C1orf146: variants seen among roughly 807,000 people sequenced by gnomAD.
C1orf146 encodes the protein protein SPO16 homolog.
C1orf146 carries 22 observed loss-of-function variants against 23.0 expected under a neutral mutation model. The observed-to-expected ratio is 0.96, with a 90% CI of 0.68 to 1.36. The LOEUF (loss-of-function observed/expected upper bound fraction) is 1.36. C1orf146 is among the 40% of genes most tolerant of loss of function. The pLI is 0.00. For missense variants in C1orf146, 199 were observed against 206.8 expected, an observed-to-expected ratio of 0.96 and a Z score of 0.23; for synonymous variants, 59 against 65.3, an observed-to-expected ratio of 0.90 and a Z score of 0.47.
rs764198776 is a variant in C1orf146 at position 92,244,375 on chromosome 1, A to T, written c.319A>T (p.Ile107Phe). Residue 107 changes from isoleucine to phenylalanine, a missense_variant, in exon 4 of 6, where the codon ATT (isoleucine) becomes TTT (phenylalanine). By Grantham distance (21) the Ile-to-Phe change is conservative (BLOSUM62 0). Transcript: ENST00000370375. ...TGAAGAATGGAAACTGATGTTCAGG[A>T]TTCAGCAGAGGTATGGAAGAATAGC... Reference protein sequence around the residue: ...GPEEWKLMFRIQQRFLGCNLR... With the variant: ...GPEEWKLMFRFQQRFLGCNLR... 1.7e-5 allele frequency: 28 copies of T among 1,601,912 alleles called. No homozygotes were observed. In the Middle Eastern group the frequency reaches 6.6e-4, roughly 38 times the overall value.
At position 92,244,868 on chromosome 1, in the gene C1orf146, C is replaced by T. The variant is rs374173261; in HGVS notation, c.408+11C>T. Reference sequence around the variant, plus strand: ...TGCACTATAGCAAAGGTGAGTCACCCGTGGAATATGACACATACACACATA... The same window carrying T: ...TGCACTATAGCAAAGGTGAGTCACCTGTGGAATATGACACATACACACATA... On this transcript the variant is annotated intron_variant, in intron 5 of 5. Coordinates refer to ENST00000370375, the MANE Select transcript of C1orf146 (RefSeq NM_001012425.2). 1.8e-4 allele frequency: 271 copies of T among 1,519,690 alleles called. No individual in the cohort carries two copies. Among genetic ancestry groups the T allele is most frequent in the South Asian group, 3.4e-4 (30 of 87,314 alleles). The allele number at this position is 1,519,690 out of a possible 1,614,324, so 94.1% of individuals were successfully genotyped here. A position where few individuals can be genotyped will look rare whatever the true frequency, so the allele number is the denominator to read the frequency against.
intron 2 of C1orf146, among the ~76,000 whole-genome samples, chr1:92,238,566 C>T (rs1034675293): frequency 6.6e-6 from 1 of 152,064 alleles, no homozygotes; most frequent in African/African-American, 2.4e-5. Context: ...AGCTCTTGAA[C>T]TTACTGTTTT....
At chr1:92,222,617 T>C (rs1210353772) in intron 1 of C1orf146, among the ~76,000 whole-genome samples, 3 of 149,664 alleles carry the variant, frequency 2.0e-5, no homozygotes, top group South Asian at 2.1e-4. Flanking sequence ...GACGGAGTCT[T>C]GCTCTGTTGC....
intron 2 of C1orf146, among the ~76,000 whole-genome samples, chr1:92,233,669 G>A (rs1186967273): frequency 6.6e-6 from 1 of 152,088 alleles, no homozygotes; most frequent in Non-Finnish European, 1.5e-5. Context: ...AGCTTGATGG[G>A]GATGGCATTG....
At chr1:92,236,671 G>C (rs924506257) in intron 2 of C1orf146, among the ~76,000 whole-genome samples, 3 of 152,094 alleles carry the variant, frequency 2.0e-5, no homozygotes, top group Non-Finnish European at 4.4e-5. Context: ...GCTAGATTGG[G>C]GAAGTTCTCC....
chr1:92,221,187 G>A (rs1651809604), intron 1 of C1orf146, among the ~76,000 whole-genome samples: 1 of 152,136 alleles, frequency 6.6e-6, no homozygotes, highest in Admixed American at 6.5e-5. Flanking sequence ...ACAGCAACAC[G>A]GATGCAGCTG....
At chr1:92,238,110 G>A (rs1227984805) in intron 2 of C1orf146, among the ~76,000 whole-genome samples, 2 of 152,038 alleles carry the variant, frequency 1.3e-5, no homozygotes, top group Non-Finnish European at 2.9e-5. Flanking sequence ...TGTATTTTTA[G>A]TAGAGACGGG....
intron 1 of C1orf146, among the ~76,000 whole-genome samples, chr1:92,219,866 G>A (rs1651778252): frequency 6.6e-6 from 1 of 151,840 alleles, no homozygotes; most frequent in African/African-American, 2.4e-5. Context: ...TAAATTTTTT[G>A]GAATTATTCT....
chr1:92,233,961 G>C (rs1246034791), intron 2 of C1orf146, among the ~76,000 whole-genome samples: 1 of 152,178 alleles, frequency 6.6e-6, no homozygotes, highest in Non-Finnish European at 1.5e-5. Flanking sequence ...CATTGATTTT[G>C]TATCCTGAGA....
Position 92,232,457 on chromosome 1 carries a change from G to T in C1orf146, c.66+971G>T, listed in dbSNP as rs1209659119. Among the ~76,000 whole-genome samples, 4 of 152,168 alleles carry T rather than the reference G, an allele frequency of 2.6e-5. No individual in the cohort carries two copies. The South Asian group carries it at 6.2e-4, about 24-fold the overall frequency. ...CATGAACTCATCATTTTTTGTGGCTGCATAGTATTCCATGGTGTATATGTG... is the reference window on the plus strand; with the variant it reads ...CATGAACTCATCATTTTTTGTGGCTTCATAGTATTCCATGGTGTATATGTG... On this transcript the variant is annotated intron_variant, in intron 2 of 5. Coordinates refer to ENST00000370375, the MANE Select transcript of C1orf146 (RefSeq NM_001012425.2).
chr1:92,227,865 T>A (rs1458270355), intron 1 of C1orf146, among the ~76,000 whole-genome samples: 2 of 152,106 alleles, frequency 1.3e-5, no homozygotes, highest in Non-Finnish European at 2.9e-5. Context: ...ACTTTGTTAA[T>A]CTGTTGCTTA....
At chr1:92,223,354 A>G (rs1343549895) in intron 1 of C1orf146, among the ~76,000 whole-genome samples, 1 of 152,200 alleles carries the variant, frequency 6.6e-6, no homozygotes, top group Non-Finnish European at 1.5e-5. Flanking sequence ...AGCCATTATA[A>G]TAGGTATGTA....
chr1:92,229,848 G>T (rs1199040554), intron 1 of C1orf146, among the ~76,000 whole-genome samples: 1 of 152,004 alleles, frequency 6.6e-6, no homozygotes, highest in African/African-American at 2.4e-5. Context: ...AAAGTAATAG[G>T]AAAATGGGCA....
intron 2 of C1orf146, among the ~76,000 whole-genome samples, chr1:92,241,119 A>T (rs1652420817): frequency 6.6e-6 from 1 of 151,886 alleles, no homozygotes; most frequent in South Asian, 2.1e-4. Flanking sequence ...TCAACTATTT[A>T]AGAAATATAC....
At chr1:92,226,147 G>A (rs1651960948) in intron 1 of C1orf146, among the ~76,000 whole-genome samples, 1 of 152,134 alleles carries the variant, frequency 6.6e-6, no homozygotes, top group Non-Finnish European at 1.5e-5. Flanking sequence ...GTTTCTAAAT[G>A]TCTCATGTCT....
At chr1:92,221,310 A>G (rs1651812635) in intron 1 of C1orf146, among the ~76,000 whole-genome samples, 1 of 152,128 alleles carries the variant, frequency 6.6e-6, no homozygotes, top group Non-Finnish European at 1.5e-5. Context: ...GATACAAACA[A>G]TAGACAATGG....
rs1652605090 is a variant in C1orf146, at chr1:92,245,685, T to A, written c.*11T>A. On this transcript the variant is annotated 3_prime_UTR_variant, in exon 6 of 6. Coordinates refer to ENST00000370375, the MANE Select transcript of C1orf146 (RefSeq NM_001012425.2). ...GTTAACCCAAATTAGAGTACCAACT[T>A]AATGTTTTTCTCGAAGAATGTGAAA... 5.3e-6 allele frequency: 8 copies of A among 1,516,406 alleles called. No individual in the cohort carries two copies. In the South Asian group the frequency reaches 1.0e-4, roughly 20 times the overall value. The allele number at this position is 1,516,406 out of a possible 1,614,324, so 93.9% of individuals were successfully genotyped here. A position where few individuals can be genotyped will look rare whatever the true frequency, so the allele number is the denominator to read the frequency against.
chr1:92,231,065 A>G (rs963409328), intron 1 of C1orf146, among the ~76,000 whole-genome samples: 1 of 152,168 alleles, frequency 6.6e-6, no homozygotes, highest in Non-Finnish European at 1.5e-5. Context: ...TTTTATCTGT[A>G]TAAGTGAAAC....
rs1368762528 is a variant in C1orf146, at chr1:92,244,286, T to C, written c.230T>C (p.Ile77Thr). ...LSTEEIFLAK[I>T]EKFINIHQNS... ...ACTGAAGAAATATTTCTAGCCAAAATTGAGAAATTTATTAACATTCACCAA... is the reference window on the plus strand; with the variant it reads ...ACTGAAGAAATATTTCTAGCCAAAACTGAGAAATTTATTAACATTCACCAA... The change falls in exon 4 of 6, where the codon ATT becomes ACT. Residue 77 changes from isoleucine to threonine, a missense_variant. Ile to Thr is a moderately conservative substitution (Grantham distance 89). Transcript: ENST00000370375. The C allele has an allele frequency of 3.7e-6, 6 of 1,610,320 alleles. No individual in the cohort carries two copies. Among genetic ancestry groups the C allele is most frequent in the Non-Finnish European group, 5.1e-6 (6 of 1,177,162 alleles).
Sources: allele counts gnomAD v4.1 joint callset (sites outside exome capture counted in the v4.1 genomes callset), GRCh38; gene constraint gnomAD v4.1.1; transcripts MANE v1.5; gene names NCBI Gene and HGNC (gene_info 2026-07-23, HGNC 2026-07-21).